TAF3: variants seen among roughly 807,000 people sequenced by gnomAD.
TAF3 encodes the protein transcription initiation factor TFIID subunit 3.
Under a neutral mutation model 80.6 loss-of-function variants are expected in TAF3, and 7 were observed. The ratio of observed to expected loss-of-function variants is 0.09; its 90% CI spans 0.05 to 0.16. The LOEUF is 0.16. Ranked by LOEUF, TAF3 falls within the 10% of genes least tolerant of loss-of-function variation. The pLI, the probability that TAF3 is intolerant of heterozygous loss-of-function variation, is 1.00. For synonymous variants in TAF3, 444 were observed against 446.1 expected (o/e 1.00, Z 0.06); for missense variants, 921 against 1,140.2 (o/e 0.81, Z 2.77).
At chr10:7,872,213 ATTTTT>A (rs34945620) in intron 2 of TAF3, among the ~76,000 whole-genome samples, 134 of 121,980 alleles carry the variant, frequency 1.1e-3, no homozygotes, top group African/African-American at 4.1e-3. Flanking sequence ...TGTTGGGTTG[ATTTTT>A]TTTTTTTTTT....
chr10:7,887,827 A>T (rs973568793), intron 2 of TAF3, among the ~76,000 whole-genome samples: 1 of 152,110 alleles, frequency 6.6e-6, no homozygotes, highest in East Asian at 1.9e-4. Flanking sequence ...CTTAAAAAAA[A>T]AAACACCAAA....
At chr10:7,863,656 C>CAT (rs1276032266) in intron 2 of TAF3, among the ~76,000 whole-genome samples, 2 of 87,440 alleles carry the variant, frequency 2.3e-5, no homozygotes, top group African/African-American at 8.7e-5. Flanking sequence ...TACACACACA[C>CAT]ATATATATAT....
intron 2 of TAF3, among the ~76,000 whole-genome samples, chr10:7,899,523 C>G (rs1282865457): frequency 6.6e-6 from 1 of 152,192 alleles, no homozygotes; most frequent in Non-Finnish European, 1.5e-5. Context: ...CCATTCACCC[C>G]TTCTCCATCT....
At chr10:7,863,621 A>AT (rs1837171268) in intron 2 of TAF3, among the ~76,000 whole-genome samples, 3 of 92,294 alleles carry the variant, frequency 3.3e-5, no homozygotes, top group South Asian at 5.8e-4. Flanking sequence ...AAAAAAAAAA[A>AT]AAAAAATATA....
intron 2 of TAF3, among the ~76,000 whole-genome samples, chr10:7,898,545 CAAAAAAAAAAAAA>C (rs35137273): frequency 2.1e-5 from 2 of 96,202 alleles, no homozygotes; most frequent in Non-Finnish European, 2.1e-5. Context: ...GACTCTGTCT[CAAAAAAAAAAAAA>C]AAAAAAAAAA....
At chr10:7,883,406 A>G (rs1169516657) in intron 2 of TAF3, among the ~76,000 whole-genome samples, 3 of 152,218 alleles carry the variant, frequency 2.0e-5, no homozygotes, top group Non-Finnish European at 4.4e-5. Flanking sequence ...CTAATGCCTC[A>G]TGTGATGAGT....
chr10:7,865,622 G>A (rs1487458154), intron 2 of TAF3, among the ~76,000 whole-genome samples: 3 of 152,236 alleles, frequency 2.0e-5, no homozygotes, highest in African/African-American at 7.2e-5. Context: ...GGCTTTAGCA[G>A]CCCCGGCAGG....
chr10:7,979,657 G>A (rs1831706594), intron 4 of TAF3, among the ~76,000 whole-genome samples: 1 of 152,082 alleles, frequency 6.6e-6, no homozygotes. Context: ...TTGACCAAAG[G>A]CAGATGCAAG....
intron 2 of TAF3, among the ~76,000 whole-genome samples, chr10:7,928,643 A>G (rs1183611479): frequency 1.3e-5 from 2 of 152,190 alleles, no homozygotes; most frequent in African/African-American, 4.8e-5. Flanking sequence ...GGCGATTTAG[A>G]ACAGATAAGG....
At chr10:7,850,295 C>T (rs562921459) in intron 2 of TAF3, among the ~76,000 whole-genome samples, 4 of 152,254 alleles carry the variant, frequency 2.6e-5, no homozygotes, top group Middle Eastern at 3.4e-3. Flanking sequence ...TATACTGCGA[C>T]GGATAGGACA....
chr10:7,882,947 C>T (rs190623600), intron 2 of TAF3, among the ~76,000 whole-genome samples: 136 of 152,290 alleles, frequency 8.9e-4, no homozygotes, highest in African/African-American at 3.1e-3. Context: ...TGTTTCTGAA[C>T]TGTTTGAAAC....
intron 2 of TAF3, among the ~76,000 whole-genome samples, chr10:7,925,160 T>C (rs981947995): frequency 8.9e-4 from 135 of 152,226 alleles, no homozygotes; most frequent in African/African-American, 3.0e-3. Flanking sequence ...ATTTTTAAAC[T>C]TCAAAAATGT....
chr10:8,008,365 C>A (rs891311828), intron 4 of TAF3, among the ~76,000 whole-genome samples: 1 of 152,128 alleles, frequency 6.6e-6, no homozygotes, highest in African/African-American at 2.4e-5. Context: ...TCCCAGAGTG[C>A]TAGGATTACA....
intron 2 of TAF3, among the ~76,000 whole-genome samples, chr10:7,829,341 G>A (rs945423190): frequency 1.3e-5 from 2 of 152,060 alleles, no homozygotes; most frequent in Admixed American, 6.5e-5. Context: ...AGTGACGCCC[G>A]CACTGTATTG....
chr10:7,873,334 C>T (rs1290836112), intron 2 of TAF3, among the ~76,000 whole-genome samples: 1 of 152,004 alleles, frequency 6.6e-6, no homozygotes, highest in African/African-American at 2.4e-5. Flanking sequence ...AAACGGCTTT[C>T]ATTGACTTAC....
intron 2 of TAF3, among the ~76,000 whole-genome samples, chr10:7,868,586 C>T (rs1837237221): frequency 6.6e-6 from 1 of 152,236 alleles, no homozygotes; most frequent in Admixed American, 6.5e-5. Flanking sequence ...CATCCTGGAG[C>T]AGCCTGTTAG....
chr10:8,013,332 G>A (rs929489248), intron 5 of TAF3, among the ~76,000 whole-genome samples: 2 of 152,034 alleles, frequency 1.3e-5, no homozygotes, highest in African/African-American at 4.8e-5. Flanking sequence ...CATATAAAGT[G>A]GAGCTCTATA....
chr10:7,965,061 C>T lies in TAF3; in HGVS notation c.1551C>T (p.Ser517=). Residue 517 remains serine (S), a synonymous_variant, in exon 3 of 7, where the codon TCC becomes TCT. Coordinates refer to ENST00000344293, the MANE Select transcript of TAF3 (RefSeq NM_031923.4). ...KVYEEKTKLP[S]SVEVKKKLKK... is the part of the protein sequence containing the mutation. ...ATGAGGAGAAAACCAAGCTGCCTTCCTCCGTGGAGGTAAAGAAGAAGTTGA... is the reference window on the plus strand; with the variant it reads ...ATGAGGAGAAAACCAAGCTGCCTTCTTCCGTGGAGGTAAAGAAGAAGTTGA... 1 of 1,614,020 alleles carries T rather than the reference C, an allele frequency of 6.2e-7. No individual in the cohort carries two copies. Among genetic ancestry groups the T allele is most frequent in the Non-Finnish European group, 8.5e-7 (1 of 1,180,044 alleles).
intron 2 of TAF3, among the ~76,000 whole-genome samples, chr10:7,954,384 C>G (rs1228857907): frequency 8.2e-6 from 1 of 121,744 alleles, no homozygotes; most frequent in Non-Finnish European, 1.8e-5. Context: ...AGAGTGCACT[C>G]CATAGGCAAA....
Sources: gnomAD v4.1 joint callset for allele counts (sites outside exome capture counted in the v4.1 genomes callset) on GRCh38, gnomAD v4.1.1 for gene constraint, MANE v1.5 for transcripts, NCBI Gene and HGNC (gene_info 2026-07-23, HGNC 2026-07-21) for gene names.